Variants in MYO3A observed in about 807,000 individuals in gnomAD.
MYO3A encodes the protein myosin IIIA, also known as myosin-IIIa.
MYO3A carries 180 observed loss-of-function variants against 192.7 expected under a neutral mutation model. The observed-to-expected ratio is 0.93, with a 90% CI of 0.83 to 1.06. MYO3A has a LOEUF of 1.06. MYO3A is among the 50% of genes least tolerant of loss of function. MYO3A has a pLI of 0.00. For missense variants in MYO3A, 1,896 were observed against 1,905.0 expected (o/e 1.00, Z 0.09); for synonymous variants, 628 against 645.3 (o/e 0.97, Z 0.41).
intron 10 of MYO3A, among the ~76,000 whole-genome samples, chr10:26,050,959 T>C (rs1048167212): frequency 1.3e-5 from 2 of 152,240 alleles, no homozygotes; most frequent in Admixed American, 1.3e-4. Context: ...TTCTTTAGGT[T>C]GTTCCTTAGT....
At chr10:26,148,093 A>G (rs1227099589) in intron 23 of MYO3A, among the ~76,000 whole-genome samples, 1 of 152,234 alleles carries the variant, frequency 6.6e-6, no homozygotes, top group Non-Finnish European at 1.5e-5. Context: ...AAGAAACAGC[A>G]CATATTTAAA....
intron 10 of MYO3A, among the ~76,000 whole-genome samples, chr10:26,039,564 T>G (rs1843223888): frequency 6.6e-6 from 1 of 152,136 alleles, no homozygotes; most frequent in Admixed American, 6.5e-5. Flanking sequence ...ATCTCATTAC[T>G]TCATATTGGT....
chr10:25,997,712 C>G (rs1462025289), intron 6 of MYO3A, among the ~76,000 whole-genome samples: 1 of 152,158 alleles, frequency 6.6e-6, no homozygotes, highest in Non-Finnish European at 1.5e-5. Context: ...AGGACCCTTG[C>G]ATGTCATACA....
intron 17 of MYO3A, among the ~76,000 whole-genome samples, chr10:26,112,444 G>A (rs977509121): frequency 6.6e-6 from 1 of 152,094 alleles, no homozygotes; most frequent in Non-Finnish European, 1.5e-5. Context: ...TGGCTTTCTT[G>A]GATATGTTGT....
At chr10:26,187,495 TTTA>T (rs1341299344) in intron 31 of MYO3A, among the ~76,000 whole-genome samples, 1 of 145,068 alleles carries the variant, frequency 6.9e-6, no homozygotes, top group Non-Finnish European at 1.5e-5. Flanking sequence ...CTGTCTTTTT[TTTA>T]TTATTATTAT....
intron 15 of MYO3A, among the ~76,000 whole-genome samples, chr10:26,091,043 C>A (rs970793506): frequency 6.6e-6 from 1 of 152,164 alleles, no homozygotes; most frequent in Non-Finnish European, 1.5e-5. Context: ...CTGTTTCCTG[C>A]CTGTGCTTCC....
intron 10 of MYO3A, among the ~76,000 whole-genome samples, chr10:26,039,979 GTTTT>G (rs148509688): frequency 6.7e-6 from 1 of 150,146 alleles, no homozygotes; most frequent in African/African-American, 2.5e-5. Context: ...TTTATTTGAA[GTTTT>G]TTTTTAATTT....
chr10:26,117,838 A>G (rs1251674060), intron 17 of MYO3A, among the ~76,000 whole-genome samples: 1 of 152,116 alleles, frequency 6.6e-6, no homozygotes, highest in African/African-American at 2.4e-5. Context: ...AAAAATTTAT[A>G]TTCTTTTGGG....
chr10:25,954,736 A>G, intron 3 of MYO3A, 138 bp from the exon 4 acceptor site: 3 of 805,388 alleles, frequency 3.7e-6, no homozygotes, highest in Non-Finnish European at 5.9e-6. Flanking sequence ...GAGAAATTAC[A>G]ATACATAATA....
Position 26,174,413 on chromosome 10 carries a change from A to G in MYO3A, c.4149A>G (p.Pro1383=). ...SFKHQRIVTT[P]TEVARNTHNL... Reference sequence around the variant, plus strand: ...AGCATCAGAGGATTGTCACAACACCAACAGAAGTAGCAAGAAACACTCATA... The same window carrying G: ...AGCATCAGAGGATTGTCACAACACCGACAGAAGTAGCAAGAAACACTCATA... Residue 1383 remains proline (P), a synonymous_variant, in exon 30 of 35, where the codon CCA becomes CCG. Coordinates refer to ENST00000642920, the MANE Select transcript of MYO3A (RefSeq NM_017433.5). The G allele has an allele frequency of 6.2e-7, 1 of 1,614,240 alleles. No homozygotes were observed. The highest frequency in any genetic ancestry group is 8.5e-7 in the Non-Finnish European group (1 of 1,180,050).
Position 26,075,668 on chromosome 10 carries a change from G to GAT in MYO3A, c.1359+5276_1359+5277dup, listed in dbSNP as rs953727175. Among the ~76,000 whole-genome samples, 271 of 127,638 alleles carry GAT rather than the reference G, an allele frequency of 2.1e-3. 1 individual carries two copies. Among genetic ancestry groups the GAT allele is most frequent in the African/African-American group, 7.5e-3 (248 of 33,244 alleles). 83.7% of individuals were successfully genotyped at this position (127,638 alleles called of 152,430 possible). A position where few individuals can be genotyped will look rare whatever the true frequency, so the allele number is the denominator to read the frequency against. Reference sequence around the variant, plus strand: ...ATATATATGTCTCTCATATATATATGATATATATATGTCTCTCTCATATAT... The same window carrying GAT: ...ATATATATGTCTCTCATATATATATGATATATATATATGTCTCTCTCATATAT... On this transcript the variant is annotated intron_variant, in intron 14 of 34. Transcript: ENST00000642920.
At chr10:26,136,305 A>T (rs1839843232) in intron 20 of MYO3A, among the ~76,000 whole-genome samples, 1 of 152,260 alleles carries the variant, frequency 6.6e-6, no homozygotes, top group Non-Finnish European at 1.5e-5. Flanking sequence ...TATACCAGCT[A>T]TTAACATTTC....
intron 10 of MYO3A, among the ~76,000 whole-genome samples, chr10:26,064,362 A>G (rs1834684301): frequency 6.6e-6 from 1 of 152,236 alleles, no homozygotes; most frequent in Non-Finnish European, 1.5e-5. Flanking sequence ...AAGGAAGCCA[A>G]TGAGGTTGGA....
chr10:26,192,163 C>T (rs1843170287), intron 31 of MYO3A, among the ~76,000 whole-genome samples: 2 of 152,152 alleles, frequency 1.3e-5, no homozygotes, highest in Admixed American at 6.5e-5. Context: ...CATGAACATC[C>T]AAGTGTACAG....
intron 10 of MYO3A, among the ~76,000 whole-genome samples, chr10:26,043,993 G>A (rs1441326896): frequency 6.6e-6 from 1 of 152,196 alleles, no homozygotes; most frequent in Admixed American, 6.5e-5. Flanking sequence ...ATCACTGCTG[G>A]TCATTCAGGG....
chr10:26,153,351 G>C (rs1840911977), intron 23 of MYO3A, among the ~76,000 whole-genome samples: 1 of 152,162 alleles, frequency 6.6e-6, no homozygotes, highest in Non-Finnish European at 1.5e-5. Flanking sequence ...ACTGTTTTGG[G>C]TTGTGTGCAT....
At chr10:26,116,640 A>G (rs948018302) in intron 17 of MYO3A, among the ~76,000 whole-genome samples, 13 of 152,204 alleles carry the variant, frequency 8.5e-5, no homozygotes, top group Non-Finnish European at 1.3e-4. Flanking sequence ...ATGAGCTGAG[A>G]CTAAAAGTTC....
intron 24 of MYO3A, 84 bp from the exon 25 acceptor site, chr10:26,154,662 C>G (rs1470879775): frequency 1.4e-5 from 18 of 1,246,772 alleles, no homozygotes; most frequent in Admixed American, 3.6e-5. Flanking sequence ...ACTAAGATAG[C>G]CTGAAGGAAA....
At chr10:26,202,562 C>T (rs553306347) in intron 33 of MYO3A, among the ~76,000 whole-genome samples, 1 of 152,250 alleles carries the variant, frequency 6.6e-6, no homozygotes, top group African/African-American at 2.4e-5. Flanking sequence ...GTACTGAGGG[C>T]TGATAAAATT....
Sources: allele counts gnomAD v4.1 joint callset (sites outside exome capture counted in the v4.1 genomes callset), GRCh38; gene constraint gnomAD v4.1.1; transcripts MANE v1.5; gene names NCBI Gene and HGNC (gene_info 2026-07-23, HGNC 2026-07-21).